FLRT2: variants seen among roughly 807,000 people sequenced by gnomAD.
The protein encoded by FLRT2 is leucine-rich repeat transmembrane protein FLRT2.
Under a neutral mutation model 40.0 loss-of-function variants are expected in FLRT2, and 15 were observed. The ratio of observed to expected loss-of-function variants is 0.38; its 90% confidence interval spans 0.25 to 0.58. The LOEUF is 0.58. Ranked by LOEUF, FLRT2 falls within the 20% of genes least tolerant of loss-of-function variation. FLRT2 has a pLI of 0.71. For missense variants in FLRT2, 726 were observed against 840.0 expected (o/e 0.86, Z 1.68); for synonymous variants, 380 against 336.8 (o/e 1.13, Z -1.41).
At chr14:85,589,981 C>T (rs57051994) in intron 1 of FLRT2, among the ~76,000 whole-genome samples, 14,823 of 151,672 alleles carry the variant, frequency 0.098, 2,425 homozygotes, top group African/African-American at 0.34. Flanking sequence ...GCCAGTACCA[C>T]GCTGTTTTGG....
intron 1 of FLRT2, among the ~76,000 whole-genome samples, chr14:85,533,678 G>C (rs995097661): frequency 6.6e-6 from 1 of 152,226 alleles, no homozygotes; most frequent in South Asian, 2.1e-4. Flanking sequence ...TGGCATGCCC[G>C]AACCCTGGAG....
chr14:85,589,945 C>G (rs1456322241), intron 1 of FLRT2, among the ~76,000 whole-genome samples: 1 of 151,832 alleles, frequency 6.6e-6, no homozygotes, highest in Non-Finnish European at 1.5e-5. Flanking sequence ...CTATTCTGTT[C>G]CATTGGTCTC....
In FLRT2 at chr14:85,652,710, T is replaced by C. The variant is rs905998171; in HGVS notation, c.*29213T>C. On this transcript the variant is annotated 3_prime_UTR_variant, in exon 2 of 2. Transcript: ENST00000330753. Reference sequence around the variant, plus strand: ...AGTAAGTTATATCAATTAAGTTGCTTAGAATGAACATATAGCTGAACTAAT... The same window carrying C: ...AGTAAGTTATATCAATTAAGTTGCTCAGAATGAACATATAGCTGAACTAAT... 6.6e-6 allele frequency: 1 copy of C among 152,158 alleles called. No individual in the cohort carries two copies. The highest frequency in any genetic ancestry group is 2.4e-5 in the African/African-American group (1 of 41,450). The allele number at this position is 152,158 out of a possible 1,614,324, so 9.4% of individuals were successfully genotyped here.
At chr14:85,580,247 C>T (rs572497244) in intron 1 of FLRT2, among the ~76,000 whole-genome samples, 7 of 152,252 alleles carry the variant, frequency 4.6e-5, no homozygotes, top group Non-Finnish European at 1.0e-4. Flanking sequence ...GTTTGCCTGA[C>T]AGTAGCAAAT....
chr14:85,553,898 A>G (rs141718538), intron 1 of FLRT2, among the ~76,000 whole-genome samples: 19 of 152,294 alleles, frequency 1.2e-4, no homozygotes, highest in African/African-American at 4.3e-4. Context: ...TATAAGATGG[A>G]CACAGTTGTC....
In FLRT2 at chr14:85,621,896, G is replaced by T. The variant is rs1893401961; in HGVS notation, c.382G>T (p.Ala128Ser). 1 of 1,606,116 alleles carries T rather than the reference G, an allele frequency of 6.2e-7. No homozygotes were observed. Among genetic ancestry groups the T allele is most frequent in the Admixed American group, 1.7e-5 (1 of 59,668 alleles). ...ENNIQTISRA[A>S]LAQLLKLEEL... ...CAATATTCAGACCATTTCACGGGCT[G>T]CTCTTGCCCAGCTCTTGAAGCTTGA... The change falls in exon 2 of 2, where the codon GCT becomes TCT. Residue 128 changes from alanine (A) to serine (S), a missense_variant. Coordinates refer to ENST00000330753, the MANE Select transcript of FLRT2 (RefSeq NM_013231.6).
At chr14:85,590,825 T>C (rs1452414985) in intron 1 of FLRT2, among the ~76,000 whole-genome samples, 1 of 152,150 alleles carries the variant, frequency 6.6e-6, no homozygotes, top group African/African-American at 2.4e-5. Context: ...CTCAAACTCC[T>C]GACCTCAGGT....
chr14:85,545,305 C>A (rs1191498986), intron 1 of FLRT2, among the ~76,000 whole-genome samples: 1 of 152,130 alleles, frequency 6.6e-6, no homozygotes, highest in Non-Finnish European at 1.5e-5. Context: ...AAACCTTGTA[C>A]AGTAGGTTCT....
chr14:85,553,315 A>T (rs1321006236), intron 1 of FLRT2, among the ~76,000 whole-genome samples: 1 of 152,106 alleles, frequency 6.6e-6, no homozygotes, highest in East Asian at 1.9e-4. Flanking sequence ...CAACTTTTAA[A>T]TTCCTGTGCC....
chr14:85,647,741 G>T lies in FLRT2; in HGVS notation c.*24244G>T, dbSNP rs1208556864. ...AAGAACTTCCATGCTTTTTTGTCAA[G>T]TTAAATGGACAACTATCGCAACCAC... On this transcript the variant is annotated 3_prime_UTR_variant, in exon 2 of 2. Transcript: ENST00000330753. 2.0e-5 allele frequency: 3 copies of T among 152,122 alleles called. No homozygotes were observed. Among genetic ancestry groups the T allele is most frequent in the Non-Finnish European group, 4.4e-5 (3 of 68,026 alleles). 9.4% of individuals were successfully genotyped at this position (152,122 alleles called of 1,614,324 possible).
intron 1 of FLRT2, chr14:85,552,833 C>A (rs1035711378): frequency 6.6e-6 from 1 of 152,232 alleles, no homozygotes. Flanking sequence ...TTCCGAGACA[C>A]CTAAGCTGCT....
chr14:85,607,010 A>T (rs968003521), intron 1 of FLRT2, among the ~76,000 whole-genome samples: 1 of 150,558 alleles, frequency 6.6e-6, no homozygotes, highest in Non-Finnish European at 1.5e-5. Context: ...ATATCTATGG[A>T]TGTACTGTAG....
At chr14:85,534,642 A>T (rs1888529905) in intron 1 of FLRT2, among the ~76,000 whole-genome samples, 1 of 150,592 alleles carries the variant, frequency 6.6e-6, no homozygotes, top group African/African-American at 2.4e-5. Context: ...GGAGGGGGTT[A>T]GTGGTGTTGC....
chr14:85,578,526 G>A (rs578252398), intron 1 of FLRT2, among the ~76,000 whole-genome samples: 1 of 152,270 alleles, frequency 6.6e-6, no homozygotes, highest in South Asian at 2.1e-4. Flanking sequence ...TCTCGGAGAA[G>A]TCAGCTTATA....
At chr14:85,563,678 T>A (rs561959693) in intron 1 of FLRT2, among the ~76,000 whole-genome samples, 1 of 152,136 alleles carries the variant, frequency 6.6e-6, no homozygotes, top group East Asian at 1.9e-4. Flanking sequence ...CCAGGCCCCT[T>A]CTCCAATGTG....
intron 1 of FLRT2, among the ~76,000 whole-genome samples, chr14:85,534,912 T>C (rs925518496): frequency 1.3e-5 from 2 of 151,522 alleles, no homozygotes; most frequent in Admixed American, 1.3e-4. Context: ...TTTATTATGA[T>C]CATTATTTAT....
chr14:85,582,110 G>T (rs1362675718), intron 1 of FLRT2, among the ~76,000 whole-genome samples: 1 of 152,186 alleles, frequency 6.6e-6, no homozygotes, highest in East Asian at 1.9e-4. Context: ...GATATAGGAG[G>T]TTGAATCCAT....
chr14:85,557,549 G>A (rs759668246), intron 1 of FLRT2, among the ~76,000 whole-genome samples: 5 of 152,152 alleles, frequency 3.3e-5, no homozygotes, highest in African/African-American at 7.2e-5. Context: ...GGTGGCTCAC[G>A]CCTGTAATCC....
rs1250921270 is a variant in FLRT2, at chr14:85,628,445, A to G, written c.*4948A>G. 1 of 152,000 alleles carries G rather than the reference A, an allele frequency of 6.6e-6. No homozygotes were observed. The highest frequency in any genetic ancestry group is 2.4e-5 in the African/African-American group (1 of 41,398). The allele number at this position is 152,000 out of a possible 1,614,324, so 9.4% of individuals were successfully genotyped here. ...AGAGGACACCATGCCCAGCCACGCT[A>G]TTGGTTTTAAATGTCAGATTTCTTT... On this transcript the variant is annotated 3_prime_UTR_variant, in exon 2 of 2. Coordinates refer to ENST00000330753, the MANE Select transcript of FLRT2 (RefSeq NM_013231.6).
Sources: gnomAD v4.1 joint callset for allele counts (sites outside exome capture counted in the v4.1 genomes callset) on GRCh38, gnomAD v4.1.1 for gene constraint, MANE v1.5 for transcripts, NCBI Gene and HGNC (gene_info 2026-07-23, HGNC 2026-07-21) for gene names.